ADAM10: variants seen among roughly 807,000 people sequenced by gnomAD.
ADAM10 encodes the protein ADAM metallopeptidase domain 10, also known as disintegrin and metalloproteinase domain-containing protein 10.
ADAM10 carries 17 observed loss-of-function variants against 90.1 expected under a neutral mutation model. That is an observed-to-expected ratio of 0.19 (90% CI 0.13 to 0.28). The LOEUF is 0.28. Among genes scored for constraint, ADAM10 ranks in the 10% least tolerant of loss-of-function variants. The pLI, the probability that ADAM10 is intolerant of heterozygous loss-of-function variation, is 1.00. For synonymous variants in ADAM10, 310 were observed against 298.6 expected (o/e 1.04, Z -0.40); for missense variants, 610 against 914.3 (o/e 0.67, Z 4.29).
chr15:58,678,032 G>T (rs1415384516), intron 4 of ADAM10, among the ~76,000 whole-genome samples: 2 of 152,140 alleles, frequency 1.3e-5, no homozygotes, highest in African/African-American at 2.4e-5. Flanking sequence ...TATGAAGGAG[G>T]ATGATAGCTT....
intron 2 of ADAM10, among the ~76,000 whole-genome samples, chr15:58,688,766 TTA>T (rs780219725): frequency 4.3e-4 from 52 of 121,774 alleles, no homozygotes; most frequent in Admixed American, 4.8e-4. Flanking sequence ...AAAAAAAAAA[TTA>T]TATATATATA....
At position 58,715,079 on chromosome 15, in the gene ADAM10, G is replaced by A. The variant is rs551087235; in HGVS notation, c.206+2498C>T. On this transcript the variant is annotated intron_variant, in intron 2 of 15. Coordinates refer to ENST00000260408, the MANE Select transcript of ADAM10 (RefSeq NM_001110.4). ...AATATCTGAAATTGGATGAATTACA[G>A]AAAATACAGTAAGTTTGTATAGTTA... 4.6e-5 allele frequency among the ~76,000 whole-genome samples: 7 copies of A among 152,244 alleles called. No homozygotes were observed. In the South Asian group the frequency reaches 1.5e-3, roughly 32 times the overall value.
At chr15:58,626,300 G>A (rs947062388) in intron 10 of ADAM10, among the ~76,000 whole-genome samples, 1 of 152,128 alleles carries the variant, frequency 6.6e-6, no homozygotes, top group African/African-American at 2.4e-5. Flanking sequence ...CTTATGAACT[G>A]TATGTGAATC....
rs114694217 is a variant in ADAM10, at chr15:58,613,367, C to A, written c.1512-1376G>T. Among the ~76,000 whole-genome samples, 517 of 152,188 alleles carry A rather than the reference C, an allele frequency of 3.4e-3. 6 individuals carry two copies. Among genetic ancestry groups the A allele is most frequent in the African/African-American group, 0.012 (486 of 41,500 alleles). ...ACGACTGTTCCACCAGACAGGCACA[C>A]AGACATGAACACAGGGACTCATGAA... On this transcript the variant is annotated intron_variant, in intron 11 of 15. Coordinates refer to ENST00000260408, the MANE Select transcript of ADAM10 (RefSeq NM_001110.4).
intron 4 of ADAM10, chr15:58,672,732 A>G (rs7176436): frequency 0.14 from 21,257 of 149,818 alleles, 1,845 homozygotes; most frequent in East Asian, 0.44. Flanking sequence ...AAGCTGAAGA[A>G]AAACTAAGAA....
intron 11 of ADAM10, among the ~76,000 whole-genome samples, chr15:58,616,000 C>T (rs1455780088): frequency 6.6e-6 from 1 of 151,826 alleles, no homozygotes; most frequent in African/African-American, 2.4e-5. Context: ...AGAGCAAGAC[C>T]CTGTCTCCAA....
At chr15:58,724,478 C>A (rs1399203569) in intron 1 of ADAM10, among the ~76,000 whole-genome samples, 1 of 152,138 alleles carries the variant, frequency 6.6e-6, no homozygotes, top group South Asian at 2.1e-4. Context: ...GAAGTGAGAT[C>A]TACTACAACT....
intron 11 of ADAM10, among the ~76,000 whole-genome samples, chr15:58,614,466 T>C (rs1158328397): frequency 6.6e-6 from 1 of 152,148 alleles, no homozygotes; most frequent in Non-Finnish European, 1.5e-5. Context: ...GAGCATCTAT[T>C]AGACTAGCAG....
chr15:58,744,921 G>A (rs533086440), intron 1 of ADAM10, among the ~76,000 whole-genome samples: 2 of 152,304 alleles, frequency 1.3e-5, no homozygotes, highest in East Asian at 3.9e-4. Flanking sequence ...AGTGGCTCAT[G>A]CATGTAATCC....
chr15:58,701,014 C>CAAAAAAA (rs1257060994), intron 2 of ADAM10, among the ~76,000 whole-genome samples: 3 of 44,918 alleles, frequency 6.7e-5, no homozygotes, highest in Non-Finnish European at 1.2e-4. Flanking sequence ...TAAAAAAAAA[C>CAAAAAAA]AAAAAAACAA....
intron 5 of ADAM10, among the ~76,000 whole-genome samples, chr15:58,650,691 C>G (rs1252154382): frequency 6.6e-6 from 1 of 152,156 alleles, no homozygotes; most frequent in Non-Finnish European, 1.5e-5. Context: ...TGGCCGCGTA[C>G]TACTTCACAG....
intron 1 of ADAM10, among the ~76,000 whole-genome samples, chr15:58,733,804 T>C (rs951635794): frequency 6.6e-6 from 1 of 151,854 alleles, no homozygotes; most frequent in African/African-American, 2.4e-5. Flanking sequence ...GTTTTTTAAC[T>C]TACTACACTA....
At chr15:58,693,509 G>A (rs1897888883) in intron 2 of ADAM10, among the ~76,000 whole-genome samples, 1 of 152,014 alleles carries the variant, frequency 6.6e-6, no homozygotes, top group African/African-American at 2.4e-5. Flanking sequence ...TTTTCAAAAA[G>A]TGATGCTAAA....
chr15:58,695,547 CA>C (rs1287064570), intron 2 of ADAM10, among the ~76,000 whole-genome samples: 1 of 151,960 alleles, frequency 6.6e-6, no homozygotes, highest in Non-Finnish European at 1.5e-5. Flanking sequence ...TATTATTCAG[CA>C]AAATTGCACC....
At chr15:58,730,257 C>G (rs1211640461) in intron 1 of ADAM10, among the ~76,000 whole-genome samples, 1 of 152,164 alleles carries the variant, frequency 6.6e-6, no homozygotes, top group Non-Finnish European at 1.5e-5. Context: ...ACTGATGTCT[C>G]AGGCAATATA....
At chr15:58,633,135 C>A in intron 9 of ADAM10, 61 bp downstream of exon 9, 3 of 1,461,952 alleles carry the variant, frequency 2.1e-6, no homozygotes, top group Non-Finnish European at 2.9e-6. Flanking sequence ...TTAAATAAAT[C>A]ACTCAACATA....
chr15:58,731,078 T>G (rs1208459955), intron 1 of ADAM10, among the ~76,000 whole-genome samples: 1 of 152,208 alleles, frequency 6.6e-6, no homozygotes, highest in Non-Finnish European at 1.5e-5. Context: ...TCTGTACATA[T>G]GTATATCCTA....
chr15:58,636,586 A>G (rs1175221002), intron 8 of ADAM10, among the ~76,000 whole-genome samples: 1 of 152,080 alleles, frequency 6.6e-6, no homozygotes, highest in Non-Finnish European at 1.5e-5. Flanking sequence ...AACGTTTTCA[A>G]TTCGGGTCAA....
At chr15:58,690,470 A>AT (rs1897747082) in intron 2 of ADAM10, among the ~76,000 whole-genome samples, 1 of 152,218 alleles carries the variant, frequency 6.6e-6, no homozygotes. Context: ...GTTTTACTGT[A>AT]TAAAAACAGC....
Sources: gnomAD v4.1 joint callset for allele counts (sites outside exome capture counted in the v4.1 genomes callset) on GRCh38, gnomAD v4.1.1 for gene constraint, MANE v1.5 for transcripts, NCBI Gene and HGNC (gene_info 2026-07-23, HGNC 2026-07-21) for gene names.